Variants in CDH2 observed in about 807,000 individuals in gnomAD.
CDH2 encodes the protein cadherin 2.
A neutral mutation model predicts 92.0 loss-of-function variants in CDH2; 17 were observed. The observed-to-expected ratio is 0.18, with a 90% CI of 0.13 to 0.28. The LOEUF (loss-of-function observed/expected upper bound fraction) is 0.28, where lower values mean the gene tolerates loss of function less well. CDH2 is among the 10% of genes least tolerant of loss of function. The pLI, the probability that CDH2 is intolerant of heterozygous loss-of-function variation, is 1.00. For missense variants in CDH2, 862 were observed against 1,133.1 expected, an observed-to-expected ratio of 0.76 and a Z score of 3.44; for synonymous variants, 419 against 415.9, an observed-to-expected ratio of 1.01 and a Z score of -0.09.
chr18:28,113,774 G>A (rs2015451325), intron 2 of CDH2, among the ~76,000 whole-genome samples: 1 of 152,024 alleles, frequency 6.6e-6, no homozygotes, highest in African/African-American at 2.4e-5. Context: ...AAATTCCTTT[G>A]AGCTTTTAAA....
Position 28,002,977 on chromosome 18 carries a change from A to G in CDH2, c.1020+20T>C, listed in dbSNP as rs772136573. On this transcript the variant is annotated intron_variant, in intron 7 of 15. Transcript: ENST00000269141. ...TTTAAGATTAAAAACAAACACAAAT[A>G]GAGTTTTTGGTTGGCTTACTTCTCG... 6.2e-7 allele frequency: 1 copy of G among 1,608,698 alleles called. No homozygotes were observed. The highest frequency in any genetic ancestry group is 8.5e-7 in the Non-Finnish European group (1 of 1,175,350).
At chr18:28,079,866 T>G (rs1298883634) in intron 2 of CDH2, among the ~76,000 whole-genome samples, 1 of 152,212 alleles carries the variant, frequency 6.6e-6, no homozygotes, top group Non-Finnish European at 1.5e-5. Context: ...TTAACTGATT[T>G]TTTTAGAAAT....
chr18:28,165,763 G>T (rs1418843608), intron 1 of CDH2, among the ~76,000 whole-genome samples: 1 of 144,972 alleles, frequency 6.9e-6, no homozygotes, highest in East Asian at 2.0e-4. Flanking sequence ...TAACCACTGT[G>T]TCACACTGCT....
At chr18:28,043,058 A>G (rs1388375722) in intron 2 of CDH2, among the ~76,000 whole-genome samples, 4 of 152,204 alleles carry the variant, frequency 2.6e-5, no homozygotes, top group Non-Finnish European at 5.9e-5. Flanking sequence ...ATATAGTTAA[A>G]AAGAAATCAA....
chr18:27,968,914 A>T (rs2011591096), intron 14 of CDH2, among the ~76,000 whole-genome samples: 1 of 150,922 alleles, frequency 6.6e-6, no homozygotes, highest in African/African-American at 2.4e-5. Context: ...AAGGTGGGAG[A>T]GAAGAACACT....
At chr18:28,149,693 T>C (rs1484655738) in intron 1 of CDH2, among the ~76,000 whole-genome samples, 1 of 152,156 alleles carries the variant, frequency 6.6e-6, no homozygotes, top group Non-Finnish European at 1.5e-5. Context: ...TTTAGGATAG[T>C]GGTTACCCCA....
intron 1 of CDH2, among the ~76,000 whole-genome samples, chr18:28,160,411 G>T (rs1357691490): frequency 6.6e-6 from 1 of 152,104 alleles, no homozygotes; most frequent in South Asian, 2.1e-4. Context: ...AACATCTACT[G>T]CCTAAAGACT....
chr18:28,065,778 T>C (rs188954782), intron 2 of CDH2, among the ~76,000 whole-genome samples: 1 of 152,336 alleles, frequency 6.6e-6, no homozygotes. Flanking sequence ...TAACCAATGA[T>C]ATCTGAGAAG....
chr18:28,090,452 A>C (rs970069651), intron 2 of CDH2, among the ~76,000 whole-genome samples: 1 of 152,150 alleles, frequency 6.6e-6, no homozygotes, highest in Non-Finnish European at 1.5e-5. Context: ...AAATGACTGC[A>C]CTATCTTCCA....
chr18:28,133,745 CAAG>C (rs537471069), intron 2 of CDH2, among the ~76,000 whole-genome samples: 58 of 152,138 alleles, frequency 3.8e-4, no homozygotes, highest in Admixed American at 1.7e-3. Flanking sequence ...CTGGGGCAAA[CAAG>C]AAGATTTATA....
chr18:28,115,607 G>C (rs558035693), intron 2 of CDH2, among the ~76,000 whole-genome samples: 1 of 152,082 alleles, frequency 6.6e-6, no homozygotes, highest in Non-Finnish European at 1.5e-5. Flanking sequence ...AGATGGCTGC[G>C]GCCCTCATCC....
chr18:27,937,821 A>T (rs1223092511), intron 6 of CDH2, among the ~76,000 whole-genome samples: 1 of 152,238 alleles, frequency 6.6e-6, no homozygotes, highest in African/African-American at 2.4e-5. Context: ...ATGCAGCTCC[A>T]GATAGTCAGA....
chr18:28,029,244 A>G (rs928236788), intron 2 of CDH2, among the ~76,000 whole-genome samples: 4 of 152,174 alleles, frequency 2.6e-5, no homozygotes, highest in Non-Finnish European at 4.4e-5. Context: ...ATGGCACATA[A>G]TAAGAAATGG....
intron 14 of CDH2, among the ~76,000 whole-genome samples, 198 bp downstream of exon 14, chr18:27,982,746 T>TC (rs1333448292): frequency 1.3e-5 from 2 of 151,926 alleles, no homozygotes; most frequent in African/African-American, 4.8e-5. Context: ...TTTTTTTTTT[T>TC]ACAAAATAAA....
In CDH2 at chr18:27,955,761, G is replaced by GTTTTTTTTTTTTTTTTTTTTTTT. The variant is rs5823568; in HGVS notation, c.2515-3403_2515-3402insAAAAAAAAAAAAAAAAAAAAAAA. On this transcript the variant is annotated intron_variant, in intron 15 of 15. Coordinates refer to ENST00000269141, the MANE Select transcript of CDH2 (RefSeq NM_001792.5). ...ACAAATCTCTGTTTTCTTTATTTCT[G>GTTTTTTTTTTTTTTTTTTTTTTT]TTTTTTTTTTTTTTTTTTTAAAGAG... 3.8e-4 allele frequency among the ~76,000 whole-genome samples: 42 copies of GTTTTTTTTTTTTTTTTTTTTTTT among 111,702 alleles called. 5 individuals are homozygous for GTTTTTTTTTTTTTTTTTTTTTTT. Among genetic ancestry groups the GTTTTTTTTTTTTTTTTTTTTTTT allele is most frequent in the African/African-American group, 8.5e-4 (24 of 28,108 alleles). 73.3% of individuals were successfully genotyped at this position (111,702 alleles called of 152,430 possible). A position where few individuals can be genotyped will look rare whatever the true frequency, so the allele number is the denominator to read the frequency against.
intron 7 of CDH2, among the ~76,000 whole-genome samples, chr18:27,999,694 G>A (rs888799712): frequency 2.0e-5 from 3 of 151,186 alleles, no homozygotes; most frequent in African/African-American, 7.3e-5. Context: ...ATGTGTGTGT[G>A]TGTATATATA....
chr18:28,090,698 A>G (rs1017369050), intron 2 of CDH2, among the ~76,000 whole-genome samples: 10 of 152,218 alleles, frequency 6.6e-5, no homozygotes, highest in African/African-American at 2.2e-4. Context: ...CTTATGGTAG[A>G]TAAGAACTCA....
At chr18:27,944,173 AAGC>A (rs1327776428) in intron 6 of CDH2, among the ~76,000 whole-genome samples, 1 of 152,196 alleles carries the variant, frequency 6.6e-6, no homozygotes, top group Non-Finnish European at 1.5e-5. Flanking sequence ...TATTAGAAAA[AAGC>A]AGCAAACTCT....
intron 2 of CDH2, among the ~76,000 whole-genome samples, chr18:28,038,038 T>C (rs141871769): frequency 5.9e-5 from 9 of 152,218 alleles, no homozygotes; most frequent in Non-Finnish European, 1.0e-4. Flanking sequence ...CTTGTTGACT[T>C]GGGAAAAGAA....
Sources: gnomAD v4.1 joint callset for allele counts (sites outside exome capture counted in the v4.1 genomes callset) on GRCh38, gnomAD v4.1.1 for gene constraint, MANE v1.5 for transcripts, NCBI Gene and HGNC (gene_info 2026-07-23, HGNC 2026-07-21) for gene names.